DNAH9: variants seen among roughly 807,000 people sequenced by gnomAD.
DNAH9 encodes the protein DNAH9 variant protein.
In DNAH9, 345 loss-of-function variants were observed where a neutral mutation model predicts 471.6. That is an observed-to-expected ratio of 0.73 (90% CI 0.67 to 0.80). The LOEUF is 0.80. Ranked by LOEUF, DNAH9 falls within the 30% of genes least tolerant of loss-of-function variation. The pLI is 0.00. For missense variants in DNAH9, 5,407 were observed against 5,609.2 expected (o/e 0.96, Z 1.15); for synonymous variants, 2,093 against 2,123.6 (o/e 0.99, Z 0.40).
At chr17:11,916,543 C>T (rs1973963182) in intron 61 of DNAH9, among the ~76,000 whole-genome samples, 3 of 152,216 alleles carry the variant, frequency 2.0e-5, no homozygotes, top group Admixed American at 2.0e-4. Context: ...CTCCTAGTCT[C>T]AAGTCTGGAA....
chr17:11,666,233 G>C (rs538246921), intron 15 of DNAH9, among the ~76,000 whole-genome samples: 2 of 152,262 alleles, frequency 1.3e-5, no homozygotes, highest in Non-Finnish European at 2.9e-5. Flanking sequence ...GGTTCAGGGG[G>C]CTTCATCACT....
At chr17:11,784,592 T>C in intron 41 of DNAH9, 53 bp downstream of exon 41, 1 of 1,609,766 alleles carries the variant, frequency 6.2e-7, no homozygotes, top group Non-Finnish European at 8.5e-7. Flanking sequence ...ATCCAGATGC[T>C]CCGATTCTTC....
intron 49 of DNAH9, among the ~76,000 whole-genome samples, chr17:11,842,927 T>C (rs2150960367): frequency 6.6e-6 from 1 of 152,318 alleles, no homozygotes; most frequent in Middle Eastern, 3.4e-3. Flanking sequence ...CACTTCATGT[T>C]AACCATCACA....
intron 66 of DNAH9, among the ~76,000 whole-genome samples, chr17:11,940,924 C>T (rs894581124): frequency 6.6e-6 from 1 of 152,168 alleles, no homozygotes; most frequent in Non-Finnish European, 1.5e-5. Flanking sequence ...TAGACACCAA[C>T]AGAGCTTAAC....
intron 53 of DNAH9, among the ~76,000 whole-genome samples, chr17:11,878,221 T>A (rs1254178730): frequency 7.4e-6 from 1 of 135,816 alleles, no homozygotes; most frequent in Admixed American, 8.2e-5. Context: ...AGGCCCTTAA[T>A]AAATATGTTC....
intron 6 of DNAH9, among the ~76,000 whole-genome samples, chr17:11,624,352 T>C (rs1895730328): frequency 6.6e-6 from 1 of 151,852 alleles, no homozygotes; most frequent in South Asian, 2.1e-4. Flanking sequence ...CTACTAAAAA[T>C]ACAAAAATTA....
At chr17:11,890,501 T>TA (rs34145727) in intron 57 of DNAH9, among the ~76,000 whole-genome samples, 92,794 of 152,016 alleles carry the variant, frequency 0.61, 30,855 homozygotes, top group Middle Eastern at 0.76. Context: ...ACTCAAATCT[T>TA]ATCTGGTTTC....
intron 46 of DNAH9, 151 bp downstream of exon 46, chr17:11,822,213 A>G: frequency 1.9e-6 from 2 of 1,058,562 alleles, no homozygotes; most frequent in Admixed American, 2.7e-5. Context: ...AGTTGCCAGG[A>G]CACCCTTCTC....
At chr17:11,864,957 A>G (rs372714885) in intron 50 of DNAH9, among the ~76,000 whole-genome samples, 17 of 152,254 alleles carry the variant, frequency 1.1e-4, no homozygotes, top group Admixed American at 5.9e-4. Flanking sequence ...ACACACTGAT[A>G]GGTCTTGACT....
intron 7 of DNAH9, among the ~76,000 whole-genome samples, chr17:11,631,210 A>T (rs183548394): frequency 6.6e-6 from 1 of 152,274 alleles, no homozygotes; most frequent in Admixed American, 6.5e-5. Context: ...AGAAAAAAAG[A>T]AGAAAAAGGG....
intron 62 of DNAH9, among the ~76,000 whole-genome samples, chr17:11,924,153 G>T (rs1974234251): frequency 6.6e-6 from 1 of 151,998 alleles, no homozygotes; most frequent in Non-Finnish European, 1.5e-5. Context: ...CCCCTCACCT[G>T]CTCTGTCACT....
intron 18 of DNAH9, 103 bp downstream of exon 18, chr17:11,680,082 G>A (rs1213111440): frequency 2.3e-6 from 2 of 873,826 alleles, no homozygotes; most frequent in South Asian, 1.7e-5. Flanking sequence ...AGGGCTTGGA[G>A]CTGCAAGATC....
At chr17:11,675,499 C>G (rs1048225006) in intron 17 of DNAH9, among the ~76,000 whole-genome samples, 2 of 152,142 alleles carry the variant, frequency 1.3e-5, no homozygotes, top group Non-Finnish European at 2.9e-5. Flanking sequence ...GGATAACATA[C>G]GTCTTTGTCT....
chr17:11,890,644 G>A (rs781408958), intron 57 of DNAH9, among the ~76,000 whole-genome samples: 10 of 152,068 alleles, frequency 6.6e-5, no homozygotes, highest in Non-Finnish European at 1.0e-4. Context: ...TTATATCTTG[G>A]CTTGTATTTT....
At position 11,738,939 on chromosome 17, in the gene DNAH9, G is replaced by A. The variant is rs1353769206; in HGVS notation, c.5874G>A (p.Glu1958=). Reference sequence around the variant, plus strand: ...AGCAGTGGTTCAGCTTCCTTGGGGAGGAGATCAGCCTGAATCCTTCTGTCG... The same window carrying A: ...AGCAGTGGTTCAGCTTCCTTGGGGAAGAGATCAGCCTGAATCCTTCTGTCG... ...DKKQWFSFLG[E]EISLNPSVGI... The change falls in exon 29 of 69, where the codon GAG becomes GAA. Residue 1958 remains glutamate, a synonymous_variant. Transcript: ENST00000262442. 1 of 1,614,068 alleles carries A rather than the reference G, an allele frequency of 6.2e-7. No individual in the cohort carries two copies. Among genetic ancestry groups the A allele is most frequent in the Non-Finnish European group, 8.5e-7 (1 of 1,179,926 alleles).
intron 57 of DNAH9, among the ~76,000 whole-genome samples, chr17:11,890,169 G>A (rs1597793933): frequency 6.6e-6 from 1 of 151,866 alleles, no homozygotes; most frequent in East Asian, 1.9e-4. Context: ...AGAGCTTTAG[G>A]GAAAAGCCAT....
At chr17:11,876,555 A>T (rs1213875536) in intron 53 of DNAH9, among the ~76,000 whole-genome samples, 1 of 152,236 alleles carries the variant, frequency 6.6e-6, no homozygotes, top group Non-Finnish European at 1.5e-5. Flanking sequence ...AGCTGGTGAC[A>T]AAAAGACAAA....
intron 42 of DNAH9, among the ~76,000 whole-genome samples, chr17:11,794,831 A>G (rs949640733): frequency 6.7e-5 from 10 of 150,348 alleles, no homozygotes; most frequent in African/African-American, 2.4e-4. Flanking sequence ...GTTTCACTGT[A>G]TATGACTCTC....
intron 28 of DNAH9, among the ~76,000 whole-genome samples, chr17:11,735,514 C>T (rs1162981292): frequency 6.6e-6 from 1 of 152,070 alleles, no homozygotes; most frequent in African/African-American, 2.4e-5. Flanking sequence ...CGGCTCACTG[C>T]CACCTCTGCC....
Sources: allele counts gnomAD v4.1 joint callset (sites outside exome capture counted in the v4.1 genomes callset), GRCh38; gene constraint gnomAD v4.1.1; transcripts MANE v1.5; gene names NCBI Gene and HGNC (gene_info 2026-07-23, HGNC 2026-07-21).